The following COBL variants were observed in gnomAD, a reference collection of about 807,000 sequenced individuals.
The protein encoded by COBL is cordon-bleu WH2 repeat protein.
COBL carries 51 observed loss-of-function variants against 98.8 expected under a neutral mutation model. The observed-to-expected ratio is 0.52, with a 90% CI of 0.41 to 0.65. The LOEUF is 0.65. Ranked by LOEUF, COBL falls within the 30% of genes least tolerant of loss-of-function variation. The probability of loss-of-function intolerance (pLI) is 0.00; values close to 1 mark genes in which losing one functional copy is unlikely to be tolerated. For missense variants in COBL, 1,617 were observed against 1,617.5 expected (o/e 1.00, Z 0.01); for synonymous variants, 634 against 651.7 (o/e 0.97, Z 0.41).
At chr7:51,034,825 G>A (rs767047435) in intron 8 of COBL, 5 of 152,184 alleles carry the variant, frequency 3.3e-5, no homozygotes, top group Non-Finnish European at 7.3e-5. Context: ...CTTTAGAAAC[G>A]TTCCTTATTG....
At chr7:51,023,235 A>C (rs1787118003) in intron 12 of COBL, among the ~76,000 whole-genome samples, 1 of 152,222 alleles carries the variant, frequency 6.6e-6, no homozygotes. Context: ...TTACATAAGT[A>C]CACACATTCA....
At chr7:51,062,498 A>AGCTTCTCTGAGCTTC (rs1791486884) in intron 7 of COBL, among the ~76,000 whole-genome samples, 1 of 152,044 alleles carries the variant, frequency 6.6e-6, no homozygotes, top group Non-Finnish European at 1.5e-5. Context: ...CTTCCAATTA[A>AGCTTCTCTGAGCTTC]CACTGCTGGT....
At chr7:51,275,471 G>A (rs780448274) in intron 1 of COBL, among the ~76,000 whole-genome samples, 6 of 152,206 alleles carry the variant, frequency 3.9e-5, no homozygotes, top group Non-Finnish European at 8.8e-5. Context: ...GGGCCTGGCT[G>A]TTCTGAGATC....
At chr7:51,195,345 T>C (rs985282500) in intron 2 of COBL, among the ~76,000 whole-genome samples, 1 of 152,214 alleles carries the variant, frequency 6.6e-6, no homozygotes, top group Non-Finnish European at 1.5e-5. Context: ...ATCTTATTTT[T>C]GGGTTCTCCA....
At chr7:51,190,777 C>T in intron 4 of COBL, 73 bp downstream of exon 4, 6 of 1,242,414 alleles carry the variant, frequency 4.8e-6, no homozygotes, top group Non-Finnish European at 7.0e-6. Context: ...CTGGGGAGAG[C>T]CAACAGGGGA....
chr7:51,172,770 T>C (rs563747735), intron 5 of COBL, among the ~76,000 whole-genome samples: 3 of 152,262 alleles, frequency 2.0e-5, no homozygotes, highest in East Asian at 3.9e-4. Flanking sequence ...TCTTTCTTTC[T>C]TTTTTTCTTT....
chr7:51,227,302 G>C (rs138443186), intron 1 of COBL, among the ~76,000 whole-genome samples: 3 of 152,284 alleles, frequency 2.0e-5, no homozygotes, highest in Non-Finnish European at 4.4e-5. Flanking sequence ...ATGGACGCAT[G>C]GGGACTGTGT....
intron 6 of COBL, among the ~76,000 whole-genome samples, chr7:51,110,234 C>G (rs1347367144): frequency 6.6e-6 from 1 of 152,174 alleles, no homozygotes; most frequent in African/African-American, 2.4e-5. Flanking sequence ...ACTTTTATAT[C>G]CATTAAGCAT....
chr7:51,140,875 A>G (rs1357458723), intron 5 of COBL, among the ~76,000 whole-genome samples: 1 of 152,228 alleles, frequency 6.6e-6, no homozygotes, highest in African/African-American at 2.4e-5. Context: ...GAAGCTGAGC[A>G]TGTTCAACGT....
chr7:51,271,106 G>C (rs1408262063), intron 1 of COBL, among the ~76,000 whole-genome samples: 1 of 152,108 alleles, frequency 6.6e-6, no homozygotes, highest in Non-Finnish European at 1.5e-5. Context: ...CTCCACGCTG[G>C]GGAGTCTGTG....
At chr7:51,209,525 T>TCC (rs1407526737) in intron 2 of COBL, among the ~76,000 whole-genome samples, 1 of 152,044 alleles carries the variant, frequency 6.6e-6, no homozygotes, top group Non-Finnish European at 1.5e-5. Flanking sequence ...AATGAAGAGC[T>TCC]CCAGGAAACA....
intron 5 of COBL, among the ~76,000 whole-genome samples, chr7:51,155,152 G>A (rs565530687): frequency 6.6e-6 from 1 of 152,228 alleles, no homozygotes; most frequent in Non-Finnish European, 1.5e-5. Flanking sequence ...ATAACCTCTG[G>A]AAGAAGGGGC....
At chr7:51,156,375 C>T (rs998043046) in intron 5 of COBL, 27 of 985,154 alleles carry the variant, frequency 2.7e-5, no homozygotes, top group East Asian at 2.3e-4. Context: ...CCAATACTTC[C>T]GAAATGTCCC....
At chr7:51,111,414 C>A (rs545553452) in intron 6 of COBL, among the ~76,000 whole-genome samples, 1 of 152,284 alleles carries the variant, frequency 6.6e-6, no homozygotes, top group South Asian at 2.1e-4. Flanking sequence ...GCCAGTATGG[C>A]ATTATTGGCA....
intron 7 of COBL, among the ~76,000 whole-genome samples, chr7:51,045,435 G>GTGTACTGTATGGTACACACCAT (rs1789597217): frequency 6.6e-6 from 1 of 152,140 alleles, no homozygotes; most frequent in South Asian, 2.1e-4. Flanking sequence ...CGCAAAGAAT[G>GTGTACTGTATGGTACACACCAT]ACAGTGCTGT....
intron 2 of COBL, among the ~76,000 whole-genome samples, chr7:51,206,720 G>T (rs1219193143): frequency 6.6e-6 from 1 of 152,186 alleles, no homozygotes; most frequent in African/African-American, 2.4e-5. Flanking sequence ...CCTGCCACGT[G>T]TGACAACATG....
At position 51,316,595 on chromosome 7, in the gene COBL, G is replaced by A; in HGVS notation, c.39C>T (p.Thr13=). The A allele has an allele frequency of 5.0e-6, 6 of 1,205,822 alleles. No homozygotes were observed. Among genetic ancestry groups the A allele is most frequent in the South Asian group, 4.1e-5 (1 of 24,386 alleles). The allele number at this position is 1,205,822 out of a possible 1,614,324, so 74.7% of individuals were successfully genotyped here. ...APRASAAKPP[T]GRKMKARAPP... is the part of the protein sequence containing the mutation. ...CGCCCGACCGCGGGGCCGCTTACCC[G>A]GTCGGGGGCTTGGCCGCCGAGGCGC... Residue 13 remains threonine (T), a splice_region_variant and synonymous_variant, in exon 1 of 13, where the codon ACC becomes ACT. Coordinates refer to ENST00000265136, the MANE Select transcript of COBL (RefSeq NM_015198.5).
chr7:51,294,651 A>AACT (rs1212456046), intron 1 of COBL, among the ~76,000 whole-genome samples: 1 of 151,610 alleles, frequency 6.6e-6, no homozygotes, highest in Non-Finnish European at 1.5e-5. Context: ...CTCAAAAAAA[A>AACT]AAAAAAAAAA....
intron 1 of COBL, among the ~76,000 whole-genome samples, chr7:51,293,419 G>C (rs912919141): frequency 6.6e-6 from 1 of 152,172 alleles, no homozygotes; most frequent in Non-Finnish European, 1.5e-5. Flanking sequence ...CATCAATAAA[G>C]AGGGATGAAC....
Sources: allele counts gnomAD v4.1 joint callset (sites outside exome capture counted in the v4.1 genomes callset), GRCh38; gene constraint gnomAD v4.1.1; transcripts MANE v1.5; gene names NCBI Gene and HGNC (gene_info 2026-07-23, HGNC 2026-07-21).